The following PRKCZ variants were observed in gnomAD, a reference collection of about 807,000 sequenced individuals.
PRKCZ encodes the protein protein kinase C zeta.
Under a neutral mutation model 79.5 loss-of-function variants are expected in PRKCZ, and 33 were observed. The observed-to-expected ratio is 0.41, with a 90% CI of 0.31 to 0.55. The LOEUF is 0.55. Ranked by LOEUF, PRKCZ falls within the 20% of genes least tolerant of loss-of-function variation. PRKCZ has a pLI of 0.19. For missense variants in PRKCZ, 578 were observed against 813.5 expected (o/e 0.71, Z 3.52); for synonymous variants, 342 against 320.9 (o/e 1.07, Z -0.70).
At chr1:2,060,997 C>T (rs1660623384) in intron 4 of PRKCZ, among the ~76,000 whole-genome samples, 1 of 152,238 alleles carries the variant, frequency 6.6e-6, no homozygotes, top group African/African-American at 2.4e-5. Context: ...GATACATAAA[C>T]ACATAAATAG....
intron 4 of PRKCZ, among the ~76,000 whole-genome samples, chr1:2,110,041 A>T (rs1277786463): frequency 6.6e-6 from 1 of 151,870 alleles, no homozygotes; most frequent in East Asian, 1.9e-4. Flanking sequence ...CCCTGGGGGC[A>T]GCCAAGGACC....
At chr1:2,126,016 G>A (rs1302278799) in intron 4 of PRKCZ, among the ~76,000 whole-genome samples, 1 of 152,128 alleles carries the variant, frequency 6.6e-6, no homozygotes, top group South Asian at 2.1e-4. Flanking sequence ...TGTTGCCCCT[G>A]TCCTGAAGGC....
At chr1:2,087,326 A>G (rs1173958746) in intron 4 of PRKCZ, among the ~76,000 whole-genome samples, 12 of 151,956 alleles carry the variant, frequency 7.9e-5, no homozygotes, top group African/African-American at 2.7e-4. Context: ...CAAGGGATCC[A>G]CCCACCTCGG....
At chr1:2,152,897 G>T (rs1014231217) in intron 9 of PRKCZ, among the ~76,000 whole-genome samples, 4 of 152,270 alleles carry the variant, frequency 2.6e-5, no homozygotes, top group African/African-American at 9.6e-5. Context: ...CTGCCAAGGG[G>T]CATTATAGTG....
At chr1:2,061,613 C>T (rs1176023584) in intron 4 of PRKCZ, among the ~76,000 whole-genome samples, 1 of 152,152 alleles carries the variant, frequency 6.6e-6, no homozygotes, top group Non-Finnish European at 1.5e-5. Flanking sequence ...TGGGGACATT[C>T]CGCCAGAGCC....
intron 4 of PRKCZ, among the ~76,000 whole-genome samples, chr1:2,060,768 G>A (rs1465947928): frequency 2.6e-5 from 4 of 152,106 alleles, no homozygotes; most frequent in Non-Finnish European, 4.4e-5. Context: ...CGTGGCAGGC[G>A]GACACCACCA....
At chr1:2,065,271 C>A (rs1661022409) in intron 4 of PRKCZ, among the ~76,000 whole-genome samples, 1 of 152,226 alleles carries the variant, frequency 6.6e-6, no homozygotes, top group South Asian at 2.1e-4. Flanking sequence ...CATGTAAGAT[C>A]ATATCATCTG....
intron 4 of PRKCZ, among the ~76,000 whole-genome samples, chr1:2,114,833 T>C (rs760567448): frequency 6.6e-6 from 1 of 152,374 alleles, no homozygotes; most frequent in East Asian, 1.9e-4. Flanking sequence ...CGCCTGCCGT[T>C]GGGTTTCAGC....
intron 9 of PRKCZ, among the ~76,000 whole-genome samples, chr1:2,155,402 G>A (rs530423983): frequency 5.3e-5 from 8 of 152,012 alleles, no homozygotes; most frequent in East Asian, 3.9e-4. Flanking sequence ...TGGTGATGAC[G>A]GTGATGATGG....
intron 4 of PRKCZ, among the ~76,000 whole-genome samples, chr1:2,084,913 G>A (rs1383615345): frequency 6.6e-6 from 1 of 152,112 alleles, no homozygotes; most frequent in Non-Finnish European, 1.5e-5. Flanking sequence ...GGAGGCTGAG[G>A]TGGGAGGATC....
intron 4 of PRKCZ, among the ~76,000 whole-genome samples, chr1:2,077,367 G>A (rs1183484607): frequency 6.6e-6 from 1 of 152,164 alleles, no homozygotes; most frequent in Admixed American, 6.5e-5. Context: ...GTGTCTGTTG[G>A]GGCTGTGGGG....
intron 10 of PRKCZ, among the ~76,000 whole-genome samples, chr1:2,162,082 T>C (rs1468658228): frequency 6.6e-6 from 1 of 152,214 alleles, no homozygotes; most frequent in Non-Finnish European, 1.5e-5. Context: ...TTTTTCCATG[T>C]GGACTTTATA....
Position 2,073,482 on chromosome 1 carries a change from A to AC in PRKCZ, c.334+13895dup, listed in dbSNP as rs1363068099. ...CCAGCCTGGCAGGCCAACCTGCAGG[A>AC]CCCCGGGCTTAGCTGGGTTCTGTTC... On this transcript the variant is annotated intron_variant, in intron 4 of 17. Transcript: ENST00000378567. 7 of 366,556 alleles carry AC rather than the reference A, an allele frequency of 1.9e-5. 1 individual carries two copies. The East Asian group carries it at 1.1e-3, about 60-fold the overall frequency. 22.7% of individuals were successfully genotyped at this position (366,556 alleles called of 1,614,324 possible).
At chr1:2,093,314 G>T (rs1665845076) in intron 4 of PRKCZ, among the ~76,000 whole-genome samples, 1 of 152,128 alleles carries the variant, frequency 6.6e-6, no homozygotes. Context: ...TCACCCCCTG[G>T]CCCCAGCCTT....
intron 6 of PRKCZ, chr1:2,144,924 G>A (rs76505143): frequency 0.013 from 2,075 of 154,110 alleles, 42 homozygotes; most frequent in African/African-American, 0.047. Context: ...GGTGAGGCCT[G>A]GACTGAACAT....
chr1:2,082,719 G>C lies in PRKCZ; in HGVS notation c.334+23128G>C, dbSNP rs781640432. ...CCCAACCCTCCCCTGGAGATGGGAT[G>C]TCAGGAGACCTGGTTCCATTTGTTT... On this transcript the variant is annotated intron_variant, in intron 4 of 17. Transcript: ENST00000378567. This position sits in a 1 kb window ranked among gnomAD's most constrained non-coding sequence, Gnocchi z 4.4. Among the ~76,000 whole-genome samples, 17 of 146,300 alleles carry C rather than the reference G, an allele frequency of 1.2e-4. No homozygotes were observed. The highest frequency in any genetic ancestry group is 1.0e-3 in the Admixed American group (15 of 14,798).
intron 3 of PRKCZ, among the ~76,000 whole-genome samples, chr1:2,059,336 T>A (rs1032628648): frequency 1.6e-4 from 25 of 152,220 alleles, no homozygotes; most frequent in Admixed American, 1.6e-3. Flanking sequence ...TACTCTAAGT[T>A]TTTCCGTGGG....
At chr1:2,089,788 TTC>T (rs1237014662) in intron 4 of PRKCZ, among the ~76,000 whole-genome samples, 1 of 152,134 alleles carries the variant, frequency 6.6e-6, no homozygotes, top group African/African-American at 2.4e-5. Context: ...CAGAACTCAA[TTC>T]TCTCTCAGCT....
intron 16 of PRKCZ, among the ~76,000 whole-genome samples, chr1:2,180,340 C>A (rs575326109): frequency 6.6e-6 from 1 of 152,194 alleles, no homozygotes; most frequent in Non-Finnish European, 1.5e-5. Context: ...GATGCACAGA[C>A]GCCCGGACGA....
Sources: allele counts gnomAD v4.1 joint callset (sites outside exome capture counted in the v4.1 genomes callset), GRCh38; gene constraint gnomAD v4.1.1; non-coding constraint Gnocchi (gnomAD v3.1); transcripts MANE v1.5; gene names NCBI Gene and HGNC (gene_info 2026-07-23, HGNC 2026-07-21).